PLCXD1: variants seen among roughly 807,000 people sequenced by gnomAD.
PLCXD1 encodes the protein phosphatidylinositol specific phospholipase C X domain containing 1, also known as PI-PLC X domain-containing protein 1.
In PLCXD1, 45 loss-of-function variants were observed where a neutral mutation model predicts 37.8. That is an observed-to-expected ratio of 1.19 (90% CI 0.94 to 1.53). The LOEUF (loss-of-function observed/expected upper bound fraction) is 1.53. Among genes scored for constraint, PLCXD1 ranks in the 40% most tolerant of loss-of-function variants. PLCXD1 has a pLI of 0.00. For synonymous variants in PLCXD1, 246 were observed against 206.9 expected, an observed-to-expected ratio of 1.19 and a Z score of -1.62; for missense variants, 539 against 454.7, an observed-to-expected ratio of 1.19 and a Z score of -1.69.
chrX:277,120 G>A (rs998803750), upstream of PLCXD1, among the ~76,000 whole-genome samples: 1 of 152,182 alleles, frequency 6.6e-6, no homozygotes, highest in African/African-American at 2.4e-5. Flanking sequence ...AGATGGCAGA[G>A]GTGGCTGGGA....
At chrX:278,867 C>T (rs1247386622), upstream of PLCXD1, among the ~76,000 whole-genome samples, 6 of 151,836 alleles carry the variant, frequency 4.0e-5, no homozygotes, top group African/African-American at 1.2e-4. Flanking sequence ...TTTAAGGAAA[C>T]GTCAGACATG....
Position 299,295 on chromosome X carries a change from G to T in PLCXD1, c.932G>T (p.Ser311Ile). The T allele has an allele frequency of 6.2e-7, 1 of 1,613,896 alleles. No homozygotes were observed. Among genetic ancestry groups the T allele is most frequent in the Non-Finnish European group, 8.5e-7 (1 of 1,179,816 alleles). Residue 311 changes from serine to isoleucine, a missense_variant, in exon 7 of 7, where the codon AGT (serine) becomes ATT (isoleucine). Physicochemically the swap from Ser to Ile is moderately radical, Grantham distance 142 (BLOSUM62 -2). Transcript: ENST00000381657. Reference protein sequence around the residue: ...GDFIGADGFVSDVIALNQKLL... With the variant: ...GDFIGADGFVIDVIALNQKLL... ...TTCATCGGCGCAGACGGCTTCGTCA[G>T]TGACGTCATCGCGCTCAATCAGAAG...
intron 2 of PLCXD1, among the ~76,000 whole-genome samples, chrX:285,678 CACACAGGA>C (rs2069432418): frequency 6.6e-6 from 1 of 152,124 alleles, no homozygotes; most frequent in Admixed American, 6.5e-5. Context: ...CACGTCCATG[CACACAGGA>C]ACACAGGTAC....
In PLCXD1 at chrX:300,601, T is replaced by C. The variant is rs1301100307; in HGVS notation, c.*1266T>C. On this transcript the variant is annotated 3_prime_UTR_variant, in exon 7 of 7. Coordinates refer to ENST00000381657, the MANE Select transcript of PLCXD1 (RefSeq NM_018390.4). ...ATGTATATGTGTTTATACATGTATATGTGTGTATGCGTGTATACGTGTATG... is the reference window on the plus strand; with the variant it reads ...ATGTATATGTGTTTATACATGTATACGTGTGTATGCGTGTATACGTGTATG... 5.9e-5 allele frequency: 9 copies of C among 151,320 alleles called. No individual in the cohort carries two copies. The highest frequency in any genetic ancestry group is 2.0e-4 in the African/African-American group (8 of 40,730). 9.4% of individuals were successfully genotyped at this position (151,320 alleles called of 1,614,324 possible). A position where few individuals can be genotyped will look rare whatever the true frequency, so the allele number is the denominator to read the frequency against.
In PLCXD1 at chrX:293,181, C is replaced by A. The variant is rs368793083; in HGVS notation, c.696C>A (p.Ile232=). The A allele has an allele frequency of 1.6e-5, 25 of 1,612,540 alleles. No homozygotes were observed. The highest frequency in any genetic ancestry group is 2.1e-5 in the Non-Finnish European group (25 of 1,179,740). ...WGNRVKTEAL[I]RYLETMKSCG... ...ACAGGGTGAAGACCGAGGCCCTCAT[C>A]CGATACCTGGAGACCATGAAGAGCT... Residue 232 remains isoleucine, a synonymous_variant, in exon 6 of 7, where the codon ATC becomes ATA. Coordinates refer to ENST00000381657, the MANE Select transcript of PLCXD1 (RefSeq NM_018390.4).
chrX:287,352 ATT>A, intron 2 of PLCXD1, among the ~76,000 whole-genome samples: 1 of 144,524 alleles, frequency 6.9e-6, no homozygotes, highest in East Asian at 2.0e-4. Context: ...GTGGATATAT[ATT>A]TTATATATTT....
In PLCXD1 at chrX:296,155, C is replaced by T. The variant is rs113087893; in HGVS notation, c.733+2937C>T. On this transcript the variant is annotated intron_variant, in intron 6 of 6. Coordinates refer to ENST00000381657, the MANE Select transcript of PLCXD1 (RefSeq NM_018390.4). ...TTTGTTTTTGAGACAGAGTCTTGCT[C>T]TGTCACCCAGGCTGGAGTGCAATGG... Among the ~76,000 whole-genome samples, 487 of 150,350 alleles carry T rather than the reference C, an allele frequency of 3.2e-3. 3 individuals are homozygous for T. Among genetic ancestry groups the T allele is most frequent in the Middle Eastern group, 0.011 (3 of 280 alleles).
At chrX:286,069 AT>A (rs113597268) in intron 2 of PLCXD1, among the ~76,000 whole-genome samples, 1,722 of 147,010 alleles carry the variant, frequency 0.012, 36 homozygotes, top group African/African-American at 0.039. Flanking sequence ...CCTGAGGTTA[AT>A]TTTTTTTTTT....
At chrX:278,013 G>T (rs756828144), upstream of PLCXD1, among the ~76,000 whole-genome samples, 1 of 109,058 alleles carries the variant, frequency 9.2e-6, no homozygotes, top group African/African-American at 3.9e-5. Context: ...TGAGGGGAGG[G>T]GTCAGGGGGA....
At position 301,812 on chromosome X, in the gene PLCXD1, G is replaced by A. The variant is rs1312633783; in HGVS notation, c.*2477G>A. 1 of 152,228 alleles carries A rather than the reference G, an allele frequency of 6.6e-6. No individual in the cohort carries two copies. The highest frequency in any genetic ancestry group is 1.5e-5 in the Non-Finnish European group (1 of 68,086). 9.4% of individuals were successfully genotyped at this position (152,228 alleles called of 1,614,324 possible). A position where few individuals can be genotyped will look rare whatever the true frequency, so the allele number is the denominator to read the frequency against. ...GGCTAACTTTTGTATTTTTAGCAGA[G>A]ATGGGGTTTCACCATGTTGCCCAGG... On this transcript the variant is annotated 3_prime_UTR_variant, in exon 7 of 7. Coordinates refer to ENST00000381657, the MANE Select transcript of PLCXD1 (RefSeq NM_018390.4).
chrX:293,332 A>G (rs2069699890), intron 6 of PLCXD1, 114 bp downstream of exon 6: 1 of 804,084 alleles, frequency 1.2e-6, no homozygotes, highest in Admixed American at 2.5e-5. Flanking sequence ...ATTTAAAAGG[A>G]ATCCATGAGC....
intron 3 of PLCXD1, among the ~76,000 whole-genome samples, chrX:290,298 C>T (rs7055593): frequency 0.78 from 118,740 of 151,456 alleles, 47,245 homozygotes; most frequent in African/African-American, 0.93. Context: ...GGCGCGGTGG[C>T]GGGCGCCTGC....
At chrX:289,899 T>G (rs2069575085) in intron 3 of PLCXD1, among the ~76,000 whole-genome samples, 1 of 152,134 alleles carries the variant, frequency 6.6e-6, no homozygotes, top group Non-Finnish European at 1.5e-5. Flanking sequence ...CAGTTTGCAG[T>G]CAGGCATCTG....
intron 1 of PLCXD1, chrX:283,273 A>G (rs1382639448): frequency 6.7e-6 from 1 of 149,416 alleles, no homozygotes; most frequent in African/African-American, 2.5e-5. Context: ...AAAAAAAAAA[A>G]CCAAGGCGAG....
Position 299,751 on chromosome X carries a change from C to A in PLCXD1, c.*416C>A. The A allele has an allele frequency of 5.1e-6, 1 of 195,912 alleles. No homozygotes were observed. Among genetic ancestry groups the A allele is most frequent in the Non-Finnish European group, 1.0e-5 (1 of 98,108 alleles). The allele number at this position is 195,912 out of a possible 1,614,324, so 12.1% of individuals were successfully genotyped here. On this transcript the variant is annotated 3_prime_UTR_variant, in exon 7 of 7. Transcript: ENST00000381657. ...CAGTCTGAATGATAGACCGAGACTCCATCTCAAAAGAAAAAAAAACAGCCG... is the reference window on the plus strand; with the variant it reads ...CAGTCTGAATGATAGACCGAGACTCAATCTCAAAAGAAAAAAAAACAGCCG...
At chrX:284,967 C>G (rs1296205394) in intron 2 of PLCXD1, among the ~76,000 whole-genome samples, 1 of 152,154 alleles carries the variant, frequency 6.6e-6, no homozygotes, top group East Asian at 1.9e-4. Flanking sequence ...ATTCGGTGAC[C>G]TCCCACCAGG....
chrX:287,822 C>T (rs1365744840), intron 2 of PLCXD1, among the ~76,000 whole-genome samples: 2 of 151,374 alleles, frequency 1.3e-5, no homozygotes, highest in African/African-American at 2.4e-5. Flanking sequence ...GAAATGCAAA[C>T]GTCAGCCATC....
intron 2 of PLCXD1, among the ~76,000 whole-genome samples, chrX:286,582 C>A (rs1408594957): frequency 2.0e-5 from 3 of 152,124 alleles, no homozygotes; most frequent in South Asian, 2.1e-4. Flanking sequence ...TAAAGGCTTA[C>A]AACTCTGAGG....
Position 290,749 on chromosome X carries a change from T to C in PLCXD1, c.366T>C (p.His122=), listed in dbSNP as rs376252405. 4.0e-5 allele frequency: 65 copies of C among 1,612,972 alleles called. 1 individual carries two copies. The South Asian group carries it at 5.6e-4, about 14-fold the overall frequency. Residue 122 remains histidine (H), a synonymous_variant, in exon 4 of 7, where the codon CAT becomes CAC. Coordinates refer to ENST00000381657, the MANE Select transcript of PLCXD1 (RefSeq NM_018390.4). ...CGGAGAAGAACCTGCACTTTGTCCATATGGTGTACACAACGGCGCTGGTGG... is the reference window on the plus strand; with the variant it reads ...CGGAGAAGAACCTGCACTTTGTCCACATGGTGTACACAACGGCGCTGGTGG... ...EGSEKNLHFV[H]MVYTTALVED...
Sources: gnomAD v4.1 joint callset for allele counts (sites outside exome capture counted in the v4.1 genomes callset) on GRCh38, gnomAD v4.1.1 for gene constraint, MANE v1.5 for transcripts, NCBI Gene and HGNC (gene_info 2026-07-23, HGNC 2026-07-21) for gene names.